The following EGLN1 variants were observed in gnomAD, a reference collection of about 807,000 sequenced individuals.
The protein encoded by EGLN1 is egl nine homolog 1.
In EGLN1, 17 loss-of-function variants were observed where a neutral mutation model predicts 38.3. That is an observed-to-expected ratio of 0.44 (90% confidence interval 0.30 to 0.67). EGLN1 has a LOEUF of 0.67. EGLN1 is among the 30% of genes least tolerant of loss of function. EGLN1 has a pLI of 0.08. For synonymous variants in EGLN1, 283 were observed against 257.5 expected, an observed-to-expected ratio of 1.10 and a Z score of -0.95; for missense variants, 477 against 603.3, an observed-to-expected ratio of 0.79 and a Z score of 2.19.
intron 1 of EGLN1, among the ~76,000 whole-genome samples, chr1:231,401,530 ATTAT>A (rs761283647): frequency 2.0e-5 from 3 of 152,154 alleles, no homozygotes; most frequent in Non-Finnish European, 4.4e-5. Context: ...TTGGCATCAG[ATTAT>A]TTGTGACAGA....
intron 1 of EGLN1, among the ~76,000 whole-genome samples, chr1:231,391,471 CCTTT>C (rs1391792107): frequency 1.2e-4 from 4 of 34,658 alleles, no homozygotes; most frequent in Non-Finnish European, 3.7e-4. Context: ...TGCACTGCTT[CCTTT>C]ATGACGACAC....
rs1241366214 is a variant in EGLN1 at position 231,366,001 on chromosome 1, C to A, written c.*410G>T. 5.4e-6 allele frequency: 1 copy of A among 186,294 alleles called. No individual in the cohort carries two copies. Among genetic ancestry groups the A allele is most frequent in the Admixed American group, 5.5e-5 (1 of 18,144 alleles). The allele number at this position is 186,294 out of a possible 1,614,324, so 11.5% of individuals were successfully genotyped here. A position where few individuals can be genotyped will look rare whatever the true frequency, so the allele number is the denominator to read the frequency against. On this transcript the variant is annotated 3_prime_UTR_variant, in exon 5 of 5. Coordinates refer to ENST00000366641, the MANE Select transcript of EGLN1 (RefSeq NM_022051.3). Reference sequence around the variant, plus strand: ...GAGGAATAATACTGTAATTTTTTCTCAATTCAGTTTAGATAAATTGTACCT... The same window carrying A: ...GAGGAATAATACTGTAATTTTTTCTAAATTCAGTTTAGATAAATTGTACCT...
intron 1 of EGLN1, among the ~76,000 whole-genome samples, chr1:231,396,470 T>G (rs1572037795): frequency 1.3e-5 from 2 of 152,138 alleles, no homozygotes; most frequent in Non-Finnish European, 2.9e-5. Context: ...GCCAGGATGG[T>G]CTCGATCTTT....
chr1:231,409,256 AC>A (rs34926222), intron 1 of EGLN1, among the ~76,000 whole-genome samples: 31,643 of 142,048 alleles, frequency 0.22, 3,292 homozygotes, highest in East Asian at 0.33. Context: ...AAAAAAAAAA[AC>A]AAAAAAAAAC....
intron 1 of EGLN1, among the ~76,000 whole-genome samples, chr1:231,389,867 G>C (rs1209381214): frequency 6.6e-6 from 1 of 152,210 alleles, no homozygotes. Context: ...AGGATCACTT[G>C]AACCCGGGAG....
At chr1:231,410,100 TG>T (rs1688899666) in intron 1 of EGLN1, among the ~76,000 whole-genome samples, 1 of 152,176 alleles carries the variant, frequency 6.6e-6, no homozygotes, top group Non-Finnish European at 1.5e-5. Flanking sequence ...ACGTAAGAAC[TG>T]GTATTTATAT....
chr1:231,388,786 C>T (rs1258948920), intron 1 of EGLN1, among the ~76,000 whole-genome samples: 9 of 152,114 alleles, frequency 5.9e-5, no homozygotes, highest in Non-Finnish European at 1.2e-4. Flanking sequence ...TCCCAAGCAG[C>T]TGGGACTACA....
rs1352381368 is a variant in EGLN1, at chr1:231,370,718, T to C, written c.1012-20A>G. ...ACTTACCTAGGAAAAGAGCCAAATA[T>C]GTAAGCAGGAGTAACCAAAAATGCT... is the stretch of plus-strand genomic sequence containing the variant. On this transcript the variant is annotated intron_variant, in intron 2 of 4. Coordinates refer to ENST00000366641, the MANE Select transcript of EGLN1 (RefSeq NM_022051.3). 1.9e-6 allele frequency: 3 copies of C among 1,613,834 alleles called. No individual in the cohort carries two copies. Among genetic ancestry groups the C allele is most frequent in the Admixed American group, 1.7e-5 (1 of 60,006 alleles).
At chr1:231,419,269 A>G (rs1009389715) in intron 1 of EGLN1, among the ~76,000 whole-genome samples, 1 of 152,208 alleles carries the variant, frequency 6.6e-6, no homozygotes, top group Non-Finnish European at 1.5e-5. Context: ...TAGCATCTCT[A>G]TGAGAAGCAT....
chr1:231,372,738 T>C (rs891833835), intron 2 of EGLN1, among the ~76,000 whole-genome samples: 1 of 152,178 alleles, frequency 6.6e-6, no homozygotes, highest in African/African-American at 2.4e-5. Context: ...CAGAGAAAAC[T>C]CTTTAAATCA....
chr1:231,419,771 G>A (rs142772524), intron 1 of EGLN1, among the ~76,000 whole-genome samples: 11 of 152,308 alleles, frequency 7.2e-5, no homozygotes, highest in African/African-American at 2.6e-4. Flanking sequence ...CCCACAAAAT[G>A]TTCACGTTTA....
chr1:231,405,243 C>A (rs1037553047), intron 1 of EGLN1, among the ~76,000 whole-genome samples: 1 of 152,148 alleles, frequency 6.6e-6, no homozygotes, highest in East Asian at 1.9e-4. Flanking sequence ...CGCTATCTGG[C>A]CTCACTGCAA....
chr1:231,376,536 TACAGGAAAAAATATAGTATATTA>T, intron 1 of EGLN1, among the ~76,000 whole-genome samples: 1 of 152,314 alleles, frequency 6.6e-6, no homozygotes, highest in Non-Finnish European at 1.5e-5. Context: ...GGTATGTATG[TACAGGAAAAAATATAGTATATTA>T]GGATTTGGTA....
In EGLN1 at chr1:231,421,741, C is replaced by G; in HGVS notation, c.148G>C (p.Asp50His). The part of the protein sequence containing the change: ...FYCCKEHQRQ[D>H]WKKHKLVCQG... Reference sequence around the variant, plus strand: ...CACACGAGCTTGTGCTTCTTCCAGTCCTGACGCTGGTGCTCCTTGCAGCAG... The same window carrying G: ...CACACGAGCTTGTGCTTCTTCCAGTGCTGACGCTGGTGCTCCTTGCAGCAG... Residue 50 changes from aspartate (D) to histidine (H), a missense_variant, in exon 1 of 5, where the codon GAC becomes CAC. Physicochemically the swap from Asp to His is moderately conservative, Grantham distance 81. This residue lies in a region of EGLN1 where 298 missense variants were observed against 288.9 expected (regional missense o/e 1.03). Transcript: ENST00000366641. This position sits in a 1 kb window ranked among gnomAD's most constrained non-coding sequence, Gnocchi z 5.5. 3 of 1,544,638 alleles carry G rather than the reference C, an allele frequency of 1.9e-6. No individual in the cohort carries two copies. Among genetic ancestry groups the G allele is most frequent in the Non-Finnish European group, 2.6e-6 (3 of 1,153,942 alleles).
chr1:231,382,875 T>C (rs568397398), intron 1 of EGLN1, among the ~76,000 whole-genome samples: 2 of 152,010 alleles, frequency 1.3e-5, no homozygotes, highest in African/African-American at 2.4e-5. Context: ...CTGGCCAACA[T>C]GGTGAAACCC....
intron 1 of EGLN1, among the ~76,000 whole-genome samples, chr1:231,414,340 A>G (rs1283323279): frequency 1.3e-5 from 2 of 152,230 alleles, no homozygotes; most frequent in African/African-American, 2.4e-5. Flanking sequence ...AACTAAGCTG[A>G]CAACATCAAT....
chr1:231,393,456 G>T (rs1363519492), intron 1 of EGLN1, among the ~76,000 whole-genome samples: 3 of 152,156 alleles, frequency 2.0e-5, no homozygotes, highest in African/African-American at 7.2e-5. Flanking sequence ...ATTACTAGCT[G>T]CGTGGCCCTG....
At chr1:231,410,595 C>T (rs1015919167) in intron 1 of EGLN1, among the ~76,000 whole-genome samples, 96 of 152,060 alleles carry the variant, frequency 6.3e-4, no homozygotes, top group African/African-American at 2.0e-3. Flanking sequence ...ATGACTACTA[C>T]AAACTAAGAA....
chr1:231,379,234 A>G (rs16854149), intron 1 of EGLN1, among the ~76,000 whole-genome samples: 4,889 of 152,272 alleles, frequency 0.032, 264 homozygotes, highest in African/African-American at 0.11. Flanking sequence ...CCAGACTCGT[A>G]AGCGGCCCAC....
Sources: allele counts gnomAD v4.1 joint callset (sites outside exome capture counted in the v4.1 genomes callset), GRCh38; gene constraint gnomAD v4.1.1; regional missense constraint gnomAD v4.1.1; non-coding constraint Gnocchi (gnomAD v3.1); transcripts MANE v1.5; gene names NCBI Gene and HGNC (gene_info 2026-07-23, HGNC 2026-07-21).